Variants in GPC5 observed in about 807,000 individuals in gnomAD.
GPC5 encodes the protein glypican 5, also known as glypican-5.
Under a neutral mutation model 53.9 loss-of-function variants are expected in GPC5, and 47 were observed. The ratio of observed to expected loss-of-function variants is 0.87; its 90% CI spans 0.69 to 1.11. The LOEUF (loss-of-function observed/expected upper bound fraction) is 1.11. Ranked by LOEUF, GPC5 falls within the 50% of genes most tolerant of loss-of-function variation. GPC5 has a pLI of 0.00. For missense variants in GPC5, 748 were observed against 713.1 expected (o/e 1.05, Z -0.56); for synonymous variants, 286 against 263.3 (o/e 1.09, Z -0.84).
At chr13:92,772,298 C>T (rs1320354256) in intron 7 of GPC5, among the ~76,000 whole-genome samples, 1 of 152,154 alleles carries the variant, frequency 6.6e-6, no homozygotes, top group African/African-American at 2.4e-5. Context: ...AACGTCATCT[C>T]ACTTTATACA....
At chr13:91,841,814 T>C (rs1033389527) in intron 5 of GPC5, among the ~76,000 whole-genome samples, 2 of 152,160 alleles carry the variant, frequency 1.3e-5, no homozygotes, top group Admixed American at 6.5e-5. Flanking sequence ...ACTGACAAAC[T>C]ATTTCAGTGA....
chr13:92,351,895 T>C (rs1014282924), intron 7 of GPC5, among the ~76,000 whole-genome samples: 1 of 152,214 alleles, frequency 6.6e-6, no homozygotes, highest in African/African-American at 2.4e-5. Context: ...ATAATGATTC[T>C]TTCTAAATTG....
At position 92,741,752 on chromosome 13, in the gene GPC5, G is replaced by A. The variant is rs1185755960; in HGVS notation, c.1562-124530G>A. Reference sequence around the variant, plus strand: ...CCCTCCCCTCTCCCCCTACACCACAGCAGGCCCCGGTGTGTGATGTTCCCC... The same window carrying A: ...CCCTCCCCTCTCCCCCTACACCACAACAGGCCCCGGTGTGTGATGTTCCCC... On this transcript the variant is annotated intron_variant, in intron 7 of 7. Transcript: ENST00000377067. Among the ~76,000 whole-genome samples, 9 of 151,608 alleles carry A rather than the reference G, an allele frequency of 5.9e-5. No individual in the cohort carries two copies. In the South Asian group the frequency reaches 1.0e-3, roughly 18 times the overall value.
At chr13:91,445,031 A>C (rs1197858508) in intron 1 of GPC5, among the ~76,000 whole-genome samples, 1 of 152,214 alleles carries the variant, frequency 6.6e-6, no homozygotes, top group South Asian at 2.1e-4. Context: ...TGCTGTGGCT[A>C]TAACTTTTCA....
intron 7 of GPC5, among the ~76,000 whole-genome samples, chr13:92,503,205 A>C (rs1170613586): frequency 6.6e-6 from 1 of 151,910 alleles, no homozygotes; most frequent in Non-Finnish European, 1.5e-5. Context: ...TTGTACCATT[A>C]AGTAATTTCT....
chr13:92,367,663 A>G lies in GPC5; in HGVS notation c.1561+222674A>G, dbSNP rs536515816. On this transcript the variant is annotated intron_variant, in intron 7 of 7. Transcript: ENST00000377067. ...TCATCCCCAAAGATCTAAAAACTCTAAATTTATATCTTTATCTAACTGTGT... is the reference window on the plus strand; with the variant it reads ...TCATCCCCAAAGATCTAAAAACTCTGAATTTATATCTTTATCTAACTGTGT... Among the ~76,000 whole-genome samples the G allele has an allele frequency of 5.3e-5, 8 of 152,332 alleles. No individual in the cohort carries two copies. The East Asian group carries it at 1.2e-3, about 22-fold the overall frequency.
At chr13:92,070,282 C>T (rs931018856) in intron 6 of GPC5, among the ~76,000 whole-genome samples, 1 of 152,120 alleles carries the variant, frequency 6.6e-6, no homozygotes. Context: ...TTCCTCAGAG[C>T]CTCCAATAAA....
At chr13:92,703,685 T>TATAA (rs1415703138) in intron 7 of GPC5, among the ~76,000 whole-genome samples, 1 of 150,858 alleles carries the variant, frequency 6.6e-6, no homozygotes, top group Admixed American at 6.6e-5. Context: ...TCATAAAGAA[T>TATAA]ATAAATATTT....
At chr13:92,097,511 C>T (rs2041431341) in intron 6 of GPC5, among the ~76,000 whole-genome samples, 1 of 152,096 alleles carries the variant, frequency 6.6e-6, no homozygotes, top group Non-Finnish European at 1.5e-5. Context: ...ACACAGAAGC[C>T]TATATGAAGG....
At chr13:91,410,638 G>T (rs547934557) in intron 1 of GPC5, among the ~76,000 whole-genome samples, 9 of 152,036 alleles carry the variant, frequency 5.9e-5, no homozygotes, top group Non-Finnish European at 7.4e-5. Flanking sequence ...GAGCCACTAC[G>T]CCCGGCCTTC....
intron 2 of GPC5, among the ~76,000 whole-genome samples, chr13:91,484,383 A>G (rs1270311472): frequency 6.6e-6 from 1 of 152,220 alleles, no homozygotes; most frequent in Non-Finnish European, 1.5e-5. Context: ...CATGTTTTAT[A>G]TATACCAAGA....
At chr13:91,571,739 G>GTA (rs1483552070) in intron 2 of GPC5, among the ~76,000 whole-genome samples, 1 of 114,412 alleles carries the variant, frequency 8.7e-6, no homozygotes, top group South Asian at 2.9e-4. Flanking sequence ...ATATATATAT[G>GTA]TATATATACA....
At chr13:91,872,811 G>A (rs2039162224) in intron 5 of GPC5, among the ~76,000 whole-genome samples, 1 of 152,114 alleles carries the variant, frequency 6.6e-6, no homozygotes, top group Non-Finnish European at 1.5e-5. Flanking sequence ...TACAGAAAAT[G>A]AAGTCAATAT....
chr13:92,555,978 T>C (rs561171763), intron 7 of GPC5, among the ~76,000 whole-genome samples: 14 of 151,752 alleles, frequency 9.2e-5, no homozygotes, highest in African/African-American at 3.4e-4. Context: ...TGAAGAATAA[T>C]ATAAGTAATC....
At chr13:91,921,299 A>G (rs531754714) in intron 6 of GPC5, among the ~76,000 whole-genome samples, 8 of 152,296 alleles carry the variant, frequency 5.3e-5, no homozygotes, top group African/African-American at 1.7e-4. Flanking sequence ...CTAAGAAATA[A>G]GAAGATATGG....
intron 6 of GPC5, among the ~76,000 whole-genome samples, chr13:92,105,665 G>T (rs558695398): frequency 6.6e-6 from 1 of 151,936 alleles, no homozygotes; most frequent in African/African-American, 2.4e-5. Flanking sequence ...TGTATTAAGT[G>T]AGATGGTTTA....
chr13:92,215,319 A>G (rs186309717), intron 7 of GPC5, among the ~76,000 whole-genome samples: 2 of 152,210 alleles, frequency 1.3e-5, no homozygotes, highest in Non-Finnish European at 1.5e-5. Flanking sequence ...TACAGCTCGA[A>G]CAAGTTTATT....
intron 6 of GPC5, among the ~76,000 whole-genome samples, chr13:92,126,367 T>C (rs879904473): frequency 6.6e-6 from 1 of 152,222 alleles, no homozygotes; most frequent in African/African-American, 2.4e-5. Flanking sequence ...AACATCTTAT[T>C]CTTTAGTGAT....
At chr13:91,989,941 A>T (rs536286062) in intron 6 of GPC5, among the ~76,000 whole-genome samples, 217 of 152,318 alleles carry the variant, frequency 1.4e-3, no homozygotes, top group African/African-American at 5.0e-3. Flanking sequence ...AATTAAAAAA[A>T]ACTTCACCCT....
Sources: allele counts gnomAD v4.1 joint callset (sites outside exome capture counted in the v4.1 genomes callset), GRCh38; gene constraint gnomAD v4.1.1; transcripts MANE v1.5; gene names NCBI Gene and HGNC (gene_info 2026-07-23, HGNC 2026-07-21).